The following CSMD1 variants were observed in gnomAD, a reference collection of about 807,000 sequenced individuals.
The protein encoded by CSMD1 is CUB and Sushi multiple domains 1, also known as CUB and sushi domain-containing protein 1.
In CSMD1, 213 loss-of-function variants were observed where a neutral mutation model predicts 417.5. The ratio of observed to expected loss-of-function variants is 0.51; its 90% CI spans 0.46 to 0.57. The LOEUF is 0.57. Ranked by LOEUF, CSMD1 falls within the 20% of genes least tolerant of loss-of-function variation. The pLI is 0.00. For synonymous variants in CSMD1, 2,862 were observed against 1,736.8 expected (o/e 1.65, Z -16.11); for missense variants, 6,923 against 4,529.7 (o/e 1.53, Z -15.17).
At chr8:4,335,386 G>A (rs1298778331) in intron 3 of CSMD1, among the ~76,000 whole-genome samples, 1 of 152,038 alleles carries the variant, frequency 6.6e-6, no homozygotes, top group African/African-American at 2.4e-5. Context: ...CACATCTTCT[G>A]AATACATTAA....
intron 1 of CSMD1, among the ~76,000 whole-genome samples, chr8:4,913,187 G>T (rs1563749013): frequency 6.6e-6 from 1 of 152,150 alleles, no homozygotes; most frequent in African/African-American, 2.4e-5. Flanking sequence ...CAAAGATTAG[G>T]TTGGTGCAAA....
chr8:4,923,613 C>T (rs570980336), intron 1 of CSMD1, among the ~76,000 whole-genome samples: 12 of 152,032 alleles, frequency 7.9e-5, no homozygotes, highest in African/African-American at 2.9e-4. Context: ...TTTAAACATA[C>T]ACACTACACT....
At chr8:4,321,452 C>G (rs1014907232) in intron 3 of CSMD1, among the ~76,000 whole-genome samples, 1 of 152,100 alleles carries the variant, frequency 6.6e-6, no homozygotes, top group Non-Finnish European at 1.5e-5. Context: ...GGAATCTTAC[C>G]TTATCACTCT....
chr8:4,375,777 C>T (rs1344415596), intron 3 of CSMD1, among the ~76,000 whole-genome samples: 1 of 152,118 alleles, frequency 6.6e-6, no homozygotes, highest in African/African-American at 2.4e-5. Flanking sequence ...ACAGTGATTT[C>T]CCCCTCTTCA....
At position 3,412,013 on chromosome 8, in the gene CSMD1, T is replaced by C. The variant is rs200880327; in HGVS notation, c.1562-2408A>G. Among the ~76,000 whole-genome samples the C allele has an allele frequency of 5.8e-3, 38 of 6,528 alleles. 14 individuals carry two copies. Among genetic ancestry groups the C allele is most frequent in the Non-Finnish European group, 0.012 (29 of 2,452 alleles). The allele number at this position is 6,528 out of a possible 152,430, so 4.3% of individuals were successfully genotyped here. On this transcript the variant is annotated intron_variant, in intron 12 of 69. Coordinates refer to ENST00000635120, the MANE Select transcript of CSMD1 (RefSeq NM_033225.6). ...ATACGTGTATATACACGTATATATA[T>C]ACATATACACACGTATATATACACA...
chr8:4,179,603 C>G (rs188895246), intron 3 of CSMD1, among the ~76,000 whole-genome samples: 136 of 152,016 alleles, frequency 8.9e-4, no homozygotes, highest in Non-Finnish European at 5.6e-4. Context: ...TATAGAGCTT[C>G]TGCACAGCAA....
chr8:3,799,405 C>T (rs1209825240), intron 5 of CSMD1, among the ~76,000 whole-genome samples: 1 of 105,192 alleles, frequency 9.5e-6, no homozygotes, highest in South Asian at 4.0e-4. Flanking sequence ...CCTCCCCCCA[C>T]CCCACGACAG....
chr8:4,169,921 A>G (rs1301793413), intron 3 of CSMD1, among the ~76,000 whole-genome samples: 1 of 152,008 alleles, frequency 6.6e-6, no homozygotes, highest in Non-Finnish European at 1.5e-5. Context: ...TTATTATAGA[A>G]CGTAACTCAG....
chr8:3,840,830 G>A (rs1207915872), intron 5 of CSMD1, among the ~76,000 whole-genome samples: 1 of 151,572 alleles, frequency 6.6e-6, no homozygotes, highest in Admixed American at 6.6e-5. Flanking sequence ...CAAGTAGCTG[G>A]GCGCCTGCCA....
intron 10 of CSMD1, among the ~76,000 whole-genome samples, chr8:3,564,689 G>A (rs573707489): frequency 2.0e-5 from 3 of 152,042 alleles, no homozygotes; most frequent in Non-Finnish European, 4.4e-5. Flanking sequence ...AATCAATCCA[G>A]CAGAAAGTGG....
At chr8:4,202,210 A>G (rs1799696202) in intron 3 of CSMD1, among the ~76,000 whole-genome samples, 1 of 152,158 alleles carries the variant, frequency 6.6e-6, no homozygotes, top group Non-Finnish European at 1.5e-5. Context: ...CAACAAAATG[A>G]GATGTGACTA....
intron 26 of CSMD1, among the ~76,000 whole-genome samples, chr8:3,269,641 G>A (rs2117141773): frequency 6.6e-6 from 1 of 152,286 alleles, no homozygotes; most frequent in African/African-American, 2.4e-5. Flanking sequence ...CTGGGACTGG[G>A]GGAGCTGACA....
chr8:4,469,072 G>C (rs1051969004), intron 2 of CSMD1, among the ~76,000 whole-genome samples: 1 of 152,168 alleles, frequency 6.6e-6, no homozygotes, highest in East Asian at 1.9e-4. Context: ...GAGCACAATT[G>C]TGTCTTACAC....
chr8:3,653,322 T>C (rs1797951720), intron 7 of CSMD1, among the ~76,000 whole-genome samples: 1 of 152,160 alleles, frequency 6.6e-6, no homozygotes, highest in South Asian at 2.1e-4. Flanking sequence ...TTTGTTGTTG[T>C]TGTTGTTTTG....
At position 2,937,009 on chromosome 8, in the gene CSMD1, A is replaced by G. The variant is rs886636687; in HGVS notation, c.*1576T>C. 1 of 152,254 alleles carries G rather than the reference A, an allele frequency of 6.6e-6. No homozygotes were observed. The allele number at this position is 152,254 out of a possible 1,614,324, so 9.4% of individuals were successfully genotyped here. ...AATAGGAACTGAAATATCAAATAAT[A>G]AAATAAGTACTATCGTTTCAAAAAT... On this transcript the variant is annotated 3_prime_UTR_variant, in exon 70 of 70. Transcript: ENST00000635120.
At chr8:4,540,254 G>T (rs1215456393) in intron 2 of CSMD1, among the ~76,000 whole-genome samples, 6 of 152,158 alleles carry the variant, frequency 3.9e-5, no homozygotes, top group Admixed American at 1.3e-4. Flanking sequence ...ATTCCAGCAA[G>T]AAGTAAAATA....
At chr8:3,582,115 A>AT (rs1375334950) in intron 9 of CSMD1, among the ~76,000 whole-genome samples, 2 of 152,228 alleles carry the variant, frequency 1.3e-5, no homozygotes, top group African/African-American at 2.4e-5. Flanking sequence ...TTCTGATACT[A>AT]TTTTTTGTGG....
chr8:4,716,506 T>C (rs906006052), intron 1 of CSMD1, among the ~76,000 whole-genome samples: 27 of 152,212 alleles, frequency 1.8e-4, no homozygotes, highest in African/African-American at 6.5e-4. Context: ...TACTTCAACA[T>C]CCATTATCTA....
chr8:4,716,225 G>T (rs959150116), intron 1 of CSMD1, among the ~76,000 whole-genome samples: 1 of 152,134 alleles, frequency 6.6e-6, no homozygotes, highest in Non-Finnish European at 1.5e-5. Context: ...AGAACAGAAG[G>T]CTGTCTGCCA....
Sources: allele counts gnomAD v4.1 joint callset (sites outside exome capture counted in the v4.1 genomes callset), GRCh38; gene constraint gnomAD v4.1.1; transcripts MANE v1.5; gene names NCBI Gene and HGNC (gene_info 2026-07-23, HGNC 2026-07-21).